Variants in CDH4 observed in about 807,000 individuals in gnomAD.
CDH4 encodes cadherin-4.
CDH4 carries 33 observed loss-of-function variants against 86.0 expected under a neutral mutation model. The observed-to-expected ratio is 0.38, with a 90% CI of 0.29 to 0.51. The LOEUF is 0.51. Among genes scored for constraint, CDH4 ranks in the 20% least tolerant of loss-of-function variants. CDH4 has a pLI of 0.86. For synonymous variants in CDH4, 555 were observed against 549.4 expected (o/e 1.01, Z -0.14); for missense variants, 1,114 against 1,307.4 (o/e 0.85, Z 2.28).
intron 2 of CDH4, among the ~76,000 whole-genome samples, chr20:61,268,789 C>T (rs1395240920): frequency 6.6e-6 from 1 of 152,200 alleles, no homozygotes; most frequent in Non-Finnish European, 1.5e-5. Flanking sequence ...GAGGCCTCCC[C>T]AGAAGCAGAT....
chr20:61,313,447 G>T (rs1461276485), intron 2 of CDH4, among the ~76,000 whole-genome samples: 4 of 152,134 alleles, frequency 2.6e-5, no homozygotes, highest in Non-Finnish European at 4.4e-5. Flanking sequence ...TCACCATTGA[G>T]TCGCCCTTGG....
chr20:61,453,703 TTATAAGA>T (rs1297263007), intron 2 of CDH4, among the ~76,000 whole-genome samples: 1 of 152,200 alleles, frequency 6.6e-6, no homozygotes, highest in African/African-American at 2.4e-5. Flanking sequence ...CTTTGCGGAA[TTATAAGA>T]TATAATCTGA....
At chr20:61,928,050 G>T in intron 11 of CDH4, 140 bp from the exon 12 acceptor site, 1 of 737,822 alleles carries the variant, frequency 1.4e-6, no homozygotes, top group Non-Finnish European at 2.4e-6. Context: ...GAGATGGCCG[G>T]CCGTGTCCGG....
chr20:61,719,560 G>A (rs997190453), intron 2 of CDH4: 11 of 184,620 alleles, frequency 6.0e-5, no homozygotes, highest in African/African-American at 1.9e-4. Flanking sequence ...TATAATTGCC[G>A]CTTTAAATCA....
chr20:61,867,582 A>G (rs1260274294), intron 6 of CDH4, among the ~76,000 whole-genome samples: 1 of 148,474 alleles, frequency 6.7e-6, no homozygotes, highest in Non-Finnish European at 1.5e-5. Context: ...AGAGCTTATG[A>G]TAAAATTGAG....
chr20:61,496,905 G>A (rs750860881), intron 2 of CDH4, among the ~76,000 whole-genome samples: 3 of 150,992 alleles, frequency 2.0e-5, no homozygotes, highest in African/African-American at 7.3e-5. Context: ...GAACATTCTT[G>A]TGCAAATCTT....
chr20:61,418,357 C>T (rs935093789), intron 2 of CDH4, among the ~76,000 whole-genome samples: 1 of 151,964 alleles, frequency 6.6e-6, no homozygotes, highest in African/African-American at 2.4e-5. Flanking sequence ...ACTACAGGCT[C>T]CCGCCACCAC....
chr20:61,798,475 T>C (rs1306167907), intron 4 of CDH4, among the ~76,000 whole-genome samples: 7 of 152,002 alleles, frequency 4.6e-5, no homozygotes, highest in Non-Finnish European at 8.8e-5. Context: ...GGCCCCGGGG[T>C]GCATCGCGCT....
At chr20:61,554,783 CAT>C (rs1220042533) in intron 2 of CDH4, among the ~76,000 whole-genome samples, 5 of 152,240 alleles carry the variant, frequency 3.3e-5, no homozygotes, top group African/African-American at 4.8e-5. Context: ...ATGGTGTGAA[CAT>C]GTTTTCACAC....
chr20:61,837,885 C>T lies in CDH4; in HGVS notation c.577-6783C>T, dbSNP rs1202840709. On this transcript the variant is annotated intron_variant, in intron 4 of 15. Transcript: ENST00000614565. ...GCCAGCCCACTGCAGGTTGCTGGGT[C>T]GGCCACATCTCCCTTCCTCCCCTCC... Among the ~76,000 whole-genome samples, 8 of 152,118 alleles carry T rather than the reference C, an allele frequency of 5.3e-5. No homozygotes were observed. The East Asian group carries it at 7.7e-4, about 15-fold the overall frequency.
At chr20:61,876,290 A>C (rs1984021951) in intron 7 of CDH4, among the ~76,000 whole-genome samples, 1 of 152,216 alleles carries the variant, frequency 6.6e-6, no homozygotes, top group Non-Finnish European at 1.5e-5. Context: ...ACAGGGGCCA[A>C]AAGGGCAGTG....
chr20:61,662,277 C>T (rs56271746), intron 2 of CDH4, among the ~76,000 whole-genome samples: 1 of 152,056 alleles, frequency 6.6e-6, no homozygotes, highest in Admixed American at 6.5e-5. Flanking sequence ...TGGGAATGGC[C>T]GTGGCAGAGG....
chr20:61,914,277 C>T (rs1016013025), intron 9 of CDH4, among the ~76,000 whole-genome samples: 3 of 152,194 alleles, frequency 2.0e-5, no homozygotes, highest in East Asian at 3.9e-4. Context: ...ACACCTACCC[C>T]GGCTTCTGTG....
At chr20:61,877,314 G>A (rs1015842782) in intron 7 of CDH4, among the ~76,000 whole-genome samples, 13 of 152,086 alleles carry the variant, frequency 8.5e-5, no homozygotes, top group African/African-American at 2.2e-4. Context: ...GGCAAGGCGG[G>A]GCCAGCCTGC....
At position 61,616,622 on chromosome 20, in the gene CDH4, G is replaced by A. The variant is rs533001470; in HGVS notation, c.170-126941G>A. ...AGAGGGCAGGGCTGGACCTTACTTA[G>A]GGCAAAGCATAGCTCAGCCTCCCTG... On this transcript the variant is annotated intron_variant, in intron 2 of 15. Coordinates refer to ENST00000614565, the MANE Select transcript of CDH4 (RefSeq NM_001794.5). 2.2e-4 allele frequency among the ~76,000 whole-genome samples: 34 copies of A among 152,286 alleles called. 1 individual carries two copies. The highest frequency in any genetic ancestry group is 7.5e-4 in the African/African-American group (31 of 41,556).
intron 2 of CDH4, among the ~76,000 whole-genome samples, chr20:61,519,547 C>T (rs550211744): frequency 4.6e-5 from 7 of 152,330 alleles, no homozygotes; most frequent in African/African-American, 1.7e-4. Context: ...TGTGATGTGA[C>T]GGGTCTGTGT....
At chr20:61,786,549 C>T (rs1308602032) in intron 4 of CDH4, among the ~76,000 whole-genome samples, 1 of 152,108 alleles carries the variant, frequency 6.6e-6, no homozygotes, top group Non-Finnish European at 1.5e-5. Context: ...AGAAAATGTT[C>T]CCTTTCTTGA....
chr20:61,700,914 T>C (rs1006825751), intron 2 of CDH4, among the ~76,000 whole-genome samples: 1 of 152,224 alleles, frequency 6.6e-6, no homozygotes, highest in Non-Finnish European at 1.5e-5. Flanking sequence ...CCCCCCTTTT[T>C]TGCAGAACAC....
chr20:61,445,926 C>T (rs1032104497), intron 2 of CDH4, among the ~76,000 whole-genome samples: 10 of 152,240 alleles, frequency 6.6e-5, no homozygotes. Flanking sequence ...GGCGTCCTTT[C>T]CTCCAGAACG....
Sources: allele counts gnomAD v4.1 joint callset (sites outside exome capture counted in the v4.1 genomes callset), GRCh38; gene constraint gnomAD v4.1.1; transcripts MANE v1.5; gene names NCBI Gene and HGNC (gene_info 2026-07-23, HGNC 2026-07-21).